The following NUP85 variants were observed in gnomAD, a reference collection of about 807,000 sequenced individuals.
NUP85 encodes nuclear pore complex protein Nup85.
In NUP85, 23 loss-of-function variants were observed where a neutral mutation model predicts 92.8. That is an observed-to-expected ratio of 0.25 (90% CI 0.18 to 0.35). The LOEUF (loss-of-function observed/expected upper bound fraction) is 0.35. Ranked by LOEUF, NUP85 falls within the 10% of genes least tolerant of loss-of-function variation. The probability of loss-of-function intolerance (pLI) is 1.00; values close to 1 mark genes in which losing one functional copy is unlikely to be tolerated. For synonymous variants in NUP85, 314 were observed against 306.9 expected (o/e 1.02, Z -0.24); for missense variants, 759 against 822.8 (o/e 0.92, Z 0.95).
rs547749701 is a variant in NUP85 at position 75,219,014 on chromosome 17, G to A, written c.597+708G>A. 9.2e-5 allele frequency among the ~76,000 whole-genome samples: 14 copies of A among 152,226 alleles called. 1 individual carries two copies. Among genetic ancestry groups the A allele is most frequent in the Admixed American group, 6.5e-4 (10 of 15,270 alleles). ...TCATCAGTTTCGAAGTCAGCATGTCGTATATGTGTATATGGATGTATTTTC... is the reference window on the plus strand; with the variant it reads ...TCATCAGTTTCGAAGTCAGCATGTCATATATGTGTATATGGATGTATTTTC... On this transcript the variant is annotated intron_variant, in intron 7 of 18. Transcript: ENST00000245544.
At chr17:75,225,304 T>C in intron 8 of NUP85, 38 bp from the exon 9 acceptor site, 1 of 1,613,628 alleles carries the variant, frequency 6.2e-7, no homozygotes, top group Non-Finnish European at 8.5e-7. Flanking sequence ...ATAAAGGGTG[T>C]GGATGGGATG....
chr17:75,225,395 C>G lies in NUP85; in HGVS notation c.786C>G (p.His262Gln). Reference sequence around the variant, plus strand: ...TGGAGCTGAAGTGGCAGCACTGGCACGAGGAATGTGAGCGGTACCTCCAGG... The same window carrying G: ...TGGAGCTGAAGTGGCAGCACTGGCAGGAGGAATGTGAGCGGTACCTCCAGG... ...TELELKWQHW[H>Q]EECERYLQDS... is the part of the protein sequence containing the mutation. Residue 262 changes from histidine to glutamine, a missense_variant, in exon 9 of 19, where the codon CAC becomes CAG. His to Gln is a conservative substitution (Grantham distance 24). Transcript: ENST00000245544. 4 of 1,614,144 alleles carry G rather than the reference C, an allele frequency of 2.5e-6. No individual in the cohort carries two copies. The highest frequency in any genetic ancestry group is 3.4e-6 in the Non-Finnish European group (4 of 1,180,018).
intron 1 of NUP85, chr17:75,208,174 G>T: frequency 9.6e-6 from 2 of 208,146 alleles, no homozygotes; most frequent in South Asian, 2.4e-4. Context: ...GGTGGCTCGC[G>T]CCTGTAGTCC....
Position 75,231,114 on chromosome 17 carries a change from A to T in NUP85, c.1095-226A>T, listed in dbSNP as rs1203158646. 5.8e-6 allele frequency: 3 copies of T among 516,308 alleles called. No individual in the cohort carries two copies. Among genetic ancestry groups the T allele is most frequent in the Non-Finnish European group, 1.1e-5 (3 of 283,002 alleles). 32.0% of individuals were successfully genotyped at this position (516,308 alleles called of 1,614,324 possible). A position where few individuals can be genotyped will look rare whatever the true frequency, so the allele number is the denominator to read the frequency against. On this transcript the variant is annotated intron_variant, in intron 11 of 18. Coordinates refer to ENST00000245544, the MANE Select transcript of NUP85 (RefSeq NM_024844.5). This position sits in a 1 kb window ranked among gnomAD's most constrained non-coding sequence, Gnocchi z 4.6. ...GCCTGGCTAATTTTTGTATTTGTAG[A>T]GATGGGGTTTTGCCATGTTGCCCAG...
chr17:75,224,190 C>T (rs995179772), intron 7 of NUP85, among the ~76,000 whole-genome samples: 2 of 152,064 alleles, frequency 1.3e-5, no homozygotes, highest in East Asian at 1.9e-4. Flanking sequence ...GGACTACAGG[C>T]GCCTGCCACC....
chr17:75,226,360 G>C (rs2075795226), intron 11 of NUP85, among the ~76,000 whole-genome samples: 1 of 152,118 alleles, frequency 6.6e-6, no homozygotes, highest in African/African-American at 2.4e-5. Flanking sequence ...CTGGAGGCTA[G>C]GAAGTCCAGG....
Position 75,231,225 on chromosome 17 carries a change from C to T in NUP85, c.1095-115C>T. 2.0e-6 allele frequency: 2 copies of T among 981,134 alleles called. No homozygotes were observed. The highest frequency in any genetic ancestry group is 2.8e-5 in the South Asian group (2 of 71,082). The allele number at this position is 981,134 out of a possible 1,614,324, so 60.8% of individuals were successfully genotyped here. A position where few individuals can be genotyped will look rare whatever the true frequency, so the allele number is the denominator to read the frequency against. On this transcript the variant is annotated intron_variant, in intron 11 of 18. Transcript: ENST00000245544. This position sits in a 1 kb window ranked among gnomAD's most constrained non-coding sequence, Gnocchi z 4.6. ...ATCACGGGCATGAGCTATCATCACG[C>T]CCGGCCCCATCTCTTTGAGGGACAG...
rs368184247 is a variant in NUP85 at position 75,229,087 on chromosome 17, G to A, written c.1095-2253G>A. On this transcript the variant is annotated intron_variant, in intron 11 of 18. Transcript: ENST00000245544. ...CTGGGAGTTGGGCAAGATGTCGGCAGTTTCCTGGTGCCCTTCAAGTCCTCC... is the reference window on the plus strand; with the variant it reads ...CTGGGAGTTGGGCAAGATGTCGGCAATTTCCTGGTGCCCTTCAAGTCCTCC... 4.1e-6 allele frequency: 4 copies of A among 985,474 alleles called. No homozygotes were observed. The African/African-American group carries it at 5.2e-5, about 13-fold the overall frequency. The allele number at this position is 985,474 out of a possible 1,614,324, so 61.0% of individuals were successfully genotyped here.
At chr17:75,219,105 C>T (rs1040140217) in intron 7 of NUP85, among the ~76,000 whole-genome samples, 1 of 151,966 alleles carries the variant, frequency 6.6e-6, no homozygotes, top group Non-Finnish European at 1.5e-5. Context: ...GGGAGGAGAT[C>T]GCTAGTTGAC....
intron 7 of NUP85, 104 bp from the exon 8 acceptor site, chr17:75,224,999 T>C: frequency 8.4e-7 from 1 of 1,188,184 alleles, no homozygotes; most frequent in Non-Finnish European, 1.2e-6. Context: ...AGCCTGTGTG[T>C]GAAGAGTTAA....
chr17:75,234,409 T>G (rs1457148923), intron 16 of NUP85, among the ~76,000 whole-genome samples: 1 of 152,180 alleles, frequency 6.6e-6, no homozygotes, highest in Non-Finnish European at 1.5e-5. Context: ...GACTCTGATG[T>G]TTCCCCAGAT....
Position 75,220,468 on chromosome 17 carries a change from C to T in NUP85, c.597+2162C>T, listed in dbSNP as rs567120500. On this transcript the variant is annotated intron_variant, in intron 7 of 18. Coordinates refer to ENST00000245544, the MANE Select transcript of NUP85 (RefSeq NM_024844.5). The stretch of plus-strand genomic sequence containing the variant: ...CAGTTTCACTGTGTTCCCCAGGCTG[C>T]AGTGCACAATCACCAGTCACTGTAG... Among the ~76,000 whole-genome samples, 3 of 151,244 alleles carry T rather than the reference C, an allele frequency of 2.0e-5. No individual in the cohort carries two copies. In the South Asian group the frequency reaches 6.3e-4, roughly 32 times the overall value.
intron 4 of NUP85, 34 bp downstream of exon 4, chr17:75,212,096 G>A (rs1285491744): frequency 2.9e-6 from 4 of 1,390,360 alleles, no homozygotes; most frequent in Non-Finnish European, 3.9e-6. Context: ...GCGTGTGTGT[G>A]TGTGTGTGTG....
Position 75,218,156 on chromosome 17 carries a change from TTG to T in NUP85, c.476-22_476-21del, listed in dbSNP as rs756146177. 7 of 1,613,172 alleles carry T rather than the reference TTG, an allele frequency of 4.3e-6. No homozygotes were observed. The South Asian group carries it at 7.7e-5, about 18-fold the overall frequency. ...CTTGCTGCAGATGAAGCTGAGGCTT[TTG>T]TGTGTGATGAGAGTCTCTCCTCCCA... is the stretch of plus-strand genomic sequence containing the variant. On this transcript the variant is annotated intron_variant, in intron 6 of 18. Transcript: ENST00000245544.
At position 75,229,011 on chromosome 17, in the gene NUP85, C is replaced by T. The variant is rs192261643; in HGVS notation, c.1095-2329C>T. On this transcript the variant is annotated intron_variant, in intron 11 of 18. Coordinates refer to ENST00000245544, the MANE Select transcript of NUP85 (RefSeq NM_024844.5). ...CCTGGCTTACAGCTTCCTCTGAAGACGGGCCAGTTCCTTGCTGTCTGGCAA... is the reference window on the plus strand; with the variant it reads ...CCTGGCTTACAGCTTCCTCTGAAGATGGGCCAGTTCCTTGCTGTCTGGCAA... 164 of 985,476 alleles carry T rather than the reference C, an allele frequency of 1.7e-4. No homozygotes were observed. The African/African-American group carries it at 2.6e-3, about 16-fold the overall frequency. 61.0% of individuals were successfully genotyped at this position (985,476 alleles called of 1,614,324 possible).
intron 7 of NUP85, among the ~76,000 whole-genome samples, chr17:75,222,904 A>G (rs968030067): frequency 3.3e-5 from 5 of 151,820 alleles, no homozygotes; most frequent in African/African-American, 9.7e-5. Context: ...GCATGGTGGC[A>G]GGCGCCTGTA....
chr17:75,225,007 TA>T, intron 7 of NUP85, 95 bp from the exon 8 acceptor site: 1 of 1,355,626 alleles, frequency 7.4e-7, no homozygotes, highest in Non-Finnish European at 9.9e-7. Flanking sequence ...TGTGAAGAGT[TA>T]AAAAGCCAAA....
intron 11 of NUP85, among the ~76,000 whole-genome samples, chr17:75,229,798 C>CAA (rs2075973560): frequency 3.9e-5 from 6 of 152,186 alleles, no homozygotes; most frequent in Non-Finnish European, 8.8e-5. Context: ...CTCAGCCCTT[C>CAA]CTTCCAGTTG....
Position 75,235,188 on chromosome 17 carries a change from C to A in NUP85, c.1856C>A (p.Thr619Asn), listed in dbSNP as rs745412153. ...AGACCTGTGCATGGAGAATCTGATACCGAGCAGCTCCAGGTCATTTTCACT... is the reference window on the plus strand; with the variant it reads ...AGACCTGTGCATGGAGAATCTGATAACGAGCAGCTCCAGGTCATTTTCACT... ...SRRPVHGESD[T>N]EQLQDDDIET... Residue 619 changes from threonine to asparagine, a missense_variant, in exon 18 of 19, where the codon ACC becomes AAC. Thr to Asn is a moderately conservative substitution (Grantham distance 65, BLOSUM62 0). Transcript: ENST00000245544. 6.2e-7 allele frequency: 1 copy of A among 1,612,766 alleles called. No individual in the cohort carries two copies.
Sources: allele counts gnomAD v4.1 joint callset (sites outside exome capture counted in the v4.1 genomes callset), GRCh38; gene constraint gnomAD v4.1.1; non-coding constraint Gnocchi (gnomAD v3.1); transcripts MANE v1.5; gene names NCBI Gene and HGNC (gene_info 2026-07-23, HGNC 2026-07-21).